The following PCNX1 variants were observed in gnomAD, a reference collection of about 807,000 sequenced individuals.
PCNX1 encodes the protein pecanex-like protein 1.
PCNX1 carries 78 observed loss-of-function variants against 242.2 expected under a neutral mutation model. That is an observed-to-expected ratio of 0.32 (90% CI 0.27 to 0.39). The LOEUF is 0.39. Among genes scored for constraint, PCNX1 ranks in the 10% least tolerant of loss-of-function variants. The probability of loss-of-function intolerance (pLI) is 1.00; values close to 1 mark genes in which losing one functional copy is unlikely to be tolerated. For synonymous variants in PCNX1, 1,024 were observed against 1,032.9 expected (o/e 0.99, Z 0.17); for missense variants, 2,581 against 2,856.5 (o/e 0.90, Z 2.20).
intron 30 of PCNX1, among the ~76,000 whole-genome samples, chr14:71,095,376 T>TA (rs915374932): frequency 2.6e-5 from 4 of 152,194 alleles, no homozygotes; most frequent in East Asian, 3.8e-4. Context: ...TTCATTGTTC[T>TA]AAAAAAATAG....
rs114779229 is a variant in PCNX1, at chr14:71,018,046, G to C, written c.2997-963G>C. On this transcript the variant is annotated intron_variant, in intron 11 of 35. Coordinates refer to ENST00000304743, the MANE Select transcript of PCNX1 (RefSeq NM_014982.3). ...AGGCAAACCATAATTCTTCCATGGA[G>C]AGAAGCATTATTAGTAATATCATTT... Among the ~76,000 whole-genome samples the C allele has an allele frequency of 5.2e-3, 786 of 152,232 alleles. 8 individuals are homozygous for C. The highest frequency in any genetic ancestry group is 0.018 in the African/African-American group (753 of 41,544).
At chr14:70,993,096 G>C (rs2140301268) in intron 7 of PCNX1, among the ~76,000 whole-genome samples, 1 of 150,406 alleles carries the variant, frequency 6.6e-6, no homozygotes, top group South Asian at 2.1e-4. Context: ...TTATTTATTA[G>C]AAATTTTAAT....
At chr14:70,947,781 T>C (rs1356102187) in intron 2 of PCNX1, among the ~76,000 whole-genome samples, 9 of 152,330 alleles carry the variant, frequency 5.9e-5, no homozygotes, top group African/African-American at 2.2e-4. Context: ...TCTGACTGCC[T>C]GCGGGCTGGG....
In PCNX1 at chr14:71,115,037, G is replaced by T. The variant is rs1441240936; in HGVS notation, c.*5102G>T. ...GTAAAAACTGATTAAACCTATACAA[G>T]TCTGGCAATGAGCTCTGCATGAGGA... On this transcript the variant is annotated 3_prime_UTR_variant, in exon 36 of 36. Transcript: ENST00000304743. 1 of 149,022 alleles carries T rather than the reference G, an allele frequency of 6.7e-6. No individual in the cohort carries two copies. Among genetic ancestry groups the T allele is most frequent in the Non-Finnish European group, 1.5e-5 (1 of 67,620 alleles). 9.2% of individuals were successfully genotyped at this position (149,022 alleles called of 1,614,324 possible).
intron 5 of PCNX1, among the ~76,000 whole-genome samples, chr14:70,973,249 T>A (rs2058593353): frequency 1.5e-5 from 2 of 136,746 alleles, no homozygotes; most frequent in African/African-American, 2.7e-5. Context: ...CAACACTCTG[T>A]CTCAAAAAAA....
At chr14:70,996,040 CT>C in intron 8 of PCNX1, 115 bp downstream of exon 8, 5 of 771,866 alleles carry the variant, frequency 6.5e-6, no homozygotes, top group Non-Finnish European at 1.1e-5. Context: ...CATAGGAGCA[CT>C]TTTTACATAG....
chr14:71,061,462 C>T (rs780281137), intron 26 of PCNX1, among the ~76,000 whole-genome samples: 2 of 152,166 alleles, frequency 1.3e-5, no homozygotes, highest in Non-Finnish European at 2.9e-5. Context: ...ATCCCGGTAT[C>T]AAAGTGGTAT....
At chr14:71,055,657 T>C in intron 25 of PCNX1, 95 bp downstream of exon 25, 1 of 669,130 alleles carries the variant, frequency 1.5e-6, no homozygotes, top group Non-Finnish European at 2.6e-6. Context: ...GAATCCTCTA[T>C]GAATCCCAAA....
intron 2 of PCNX1, among the ~76,000 whole-genome samples, chr14:70,947,934 C>G (rs1056298075): frequency 2.0e-5 from 3 of 152,196 alleles, no homozygotes; most frequent in African/African-American, 7.2e-5. Flanking sequence ...GAGTGTCTGT[C>G]TTACGCAGTT....
At chr14:71,052,410 A>G (rs2061063068) in intron 24 of PCNX1, among the ~76,000 whole-genome samples, 1 of 151,844 alleles carries the variant, frequency 6.6e-6, no homozygotes, top group South Asian at 2.1e-4. Flanking sequence ...ATGGAGTTTG[A>G]CTGTGTTGCC....
intron 30 of PCNX1, among the ~76,000 whole-genome samples, chr14:71,099,450 G>C (rs918568866): frequency 6.6e-6 from 1 of 151,606 alleles, no homozygotes; most frequent in Non-Finnish European, 1.5e-5. Context: ...GAGCCACCAC[G>C]CCCGGCCTAT....
At chr14:70,948,714 C>T (rs1030200130) in intron 2 of PCNX1, among the ~76,000 whole-genome samples, 11 of 145,120 alleles carry the variant, frequency 7.6e-5, no homozygotes, top group Non-Finnish European at 1.2e-4. Context: ...CACACATACA[C>T]ATAAGTGTAT....
intron 1 of PCNX1, among the ~76,000 whole-genome samples, chr14:70,919,356 C>G (rs1213752498): frequency 6.6e-6 from 1 of 151,978 alleles, no homozygotes; most frequent in Non-Finnish European, 1.5e-5. Context: ...TTTTCCTATT[C>G]TTTGTAATTA....
chr14:71,048,116 T>G (rs1458779014), intron 22 of PCNX1, 132 bp downstream of exon 22: 10 of 543,964 alleles, frequency 1.8e-5, no homozygotes, highest in Non-Finnish European at 2.8e-5. Context: ...ACCAGTTATT[T>G]AGGAGCACAT....
chr14:70,972,960 G>GAA (rs991184511), intron 5 of PCNX1, among the ~76,000 whole-genome samples: 20 of 152,132 alleles, frequency 1.3e-4, no homozygotes, highest in Admixed American at 7.9e-4. Context: ...GTAGAAAAGT[G>GAA]AAAAGTTCTA....
At chr14:71,055,936 T>C (rs2061172023) in intron 25 of PCNX1, among the ~76,000 whole-genome samples, 1 of 152,182 alleles carries the variant, frequency 6.6e-6, no homozygotes, top group Admixed American at 6.5e-5. Context: ...CTCAATGTTT[T>C]GGTCAATATT....
At chr14:70,980,912 A>C (rs1428351109) in intron 6 of PCNX1, among the ~76,000 whole-genome samples, 6 of 152,192 alleles carry the variant, frequency 3.9e-5, no homozygotes, top group Non-Finnish European at 7.3e-5. Context: ...GGTGTCGATA[A>C]GTTCTCCAAC....
rs764632669 is a variant in PCNX1, at chr14:70,947,088, C to T, written c.327C>T (p.Asn109=). ...AGCGAACCAAAGCTGAACAAGGCAA[C>T]TGTTCAACCAGGAGAAAAGACAGCA... The part of the protein sequence containing the change: ...TDQRTKAEQG[N]CSTRRKDSNG... Residue 109 remains asparagine (N), a synonymous_variant, in exon 2 of 36, where the codon AAC becomes AAT. Coordinates refer to ENST00000304743, the MANE Select transcript of PCNX1 (RefSeq NM_014982.3). The T allele has an allele frequency of 1.9e-6, 3 of 1,612,786 alleles. No individual in the cohort carries two copies. The highest frequency in any genetic ancestry group is 2.5e-6 in the Non-Finnish European group (3 of 1,179,354).
intron 20 of PCNX1, among the ~76,000 whole-genome samples, chr14:71,046,391 A>G (rs2060862117): frequency 6.6e-6 from 1 of 152,098 alleles, no homozygotes; most frequent in African/African-American, 2.4e-5. Flanking sequence ...CATTTATAGT[A>G]CTAACAGCAA....
Sources: allele counts gnomAD v4.1 joint callset (sites outside exome capture counted in the v4.1 genomes callset), GRCh38; gene constraint gnomAD v4.1.1; transcripts MANE v1.5; gene names NCBI Gene and HGNC (gene_info 2026-07-23, HGNC 2026-07-21).